The following MYO9B variants were observed in gnomAD, a reference collection of about 807,000 sequenced individuals.
MYO9B encodes myosin IXB.
A neutral mutation model predicts 229.5 loss-of-function variants in MYO9B; 71 were observed. The ratio of observed to expected loss-of-function variants is 0.31; its 90% confidence interval spans 0.26 to 0.38. MYO9B has a LOEUF of 0.38. Ranked by LOEUF, MYO9B falls within the 10% of genes least tolerant of loss-of-function variation. The pLI is 1.00. For synonymous variants in MYO9B, 1,185 were observed against 1,235.8 expected, an observed-to-expected ratio of 0.96 and a Z score of 0.86; for missense variants, 2,255 against 2,920.5, an observed-to-expected ratio of 0.77 and a Z score of 5.25.
At chr19:17,159,559 C>T (rs2072575591) in intron 8 of MYO9B, 75 bp downstream of exon 8, 2 of 1,273,456 alleles carry the variant, frequency 1.6e-6, no homozygotes, top group African/African-American at 3.0e-5. Flanking sequence ...AAAGAGCCGG[C>T]ATGGGTGGGC....
At chr19:17,201,258 T>C (rs2073103875) in intron 26 of MYO9B, among the ~76,000 whole-genome samples, 1 of 150,704 alleles carries the variant, frequency 6.6e-6, no homozygotes, top group South Asian at 2.1e-4. Flanking sequence ...GCATATTTGG[T>C]CTCAAAGCAA....
chr19:17,114,924 CT>C (rs139596465), intron 2 of MYO9B, among the ~76,000 whole-genome samples: 22,100 of 137,490 alleles, frequency 0.16, 1,922 homozygotes, highest in Non-Finnish European at 0.21. Context: ...TGCTTTTCCC[CT>C]TTTTTTTTTT....
chr19:17,131,752 G>A (rs941165995), intron 2 of MYO9B, among the ~76,000 whole-genome samples: 11 of 152,182 alleles, frequency 7.2e-5, no homozygotes, highest in African/African-American at 2.7e-4. Context: ...AGAGGAAGAG[G>A]CAAGACTGCC....
intron 3 of MYO9B, among the ~76,000 whole-genome samples, chr19:17,149,839 G>A (rs2072457382): frequency 6.6e-6 from 1 of 152,142 alleles, no homozygotes; most frequent in Non-Finnish European, 1.5e-5. Context: ...GGGAAGGGAA[G>A]GGGCCATCAT....
chr19:17,132,972 C>T (rs1350805254), intron 2 of MYO9B, among the ~76,000 whole-genome samples: 1 of 151,928 alleles, frequency 6.6e-6, no homozygotes, highest in Non-Finnish European at 1.5e-5. Flanking sequence ...CTCAACCTCC[C>T]GAGTAGCTGG....
At chr19:17,148,826 C>T (rs535010435) in intron 3 of MYO9B, among the ~76,000 whole-genome samples, 43 of 152,066 alleles carry the variant, frequency 2.8e-4, no homozygotes, top group Non-Finnish European at 5.4e-4. Context: ...TCAAGTGATC[C>T]GCCTGCCTCG....
At chr19:17,204,063 T>C (rs1045224827) in intron 30 of MYO9B, among the ~76,000 whole-genome samples, 1 of 151,792 alleles carries the variant, frequency 6.6e-6, no homozygotes, top group African/African-American at 2.4e-5. Flanking sequence ...GCCAGAACCA[T>C]TTGGGCCAGG....
intron 1 of MYO9B, among the ~76,000 whole-genome samples, chr19:17,098,341 G>T (rs1411948144): frequency 1.3e-5 from 2 of 152,112 alleles, no homozygotes; most frequent in African/African-American, 4.8e-5. Context: ...AAGCGTGAGC[G>T]ACCGCGCCTG....
At chr19:17,081,512 T>G (rs1030362696) in intron 1 of MYO9B, among the ~76,000 whole-genome samples, 8 of 151,888 alleles carry the variant, frequency 5.3e-5, no homozygotes, top group African/African-American at 1.9e-4. Context: ...CAGGGGTGAC[T>G]AAAGAGAGGT....
At chr19:17,116,976 A>G (rs1461626844) in intron 2 of MYO9B, among the ~76,000 whole-genome samples, 1 of 152,312 alleles carries the variant, frequency 6.6e-6, no homozygotes, top group South Asian at 2.1e-4. Context: ...ATTTTGGGGA[A>G]TGCTGCATCT....
chr19:17,202,958 A>G (rs1413231238), intron 29 of MYO9B, 75 bp downstream of exon 29: 8 of 1,533,428 alleles, frequency 5.2e-6, no homozygotes, highest in Non-Finnish European at 7.1e-6. Flanking sequence ...TGTCAGTGTC[A>G]ATGTGCGCAT....
intron 2 of MYO9B, among the ~76,000 whole-genome samples, chr19:17,127,981 G>A (rs971105049): frequency 3.3e-5 from 5 of 152,118 alleles, no homozygotes; most frequent in South Asian, 2.1e-4. Flanking sequence ...TCCAAGAGCC[G>A]TGAACTAATT....
chr19:17,145,079 G>A (rs890606294), intron 2 of MYO9B, among the ~76,000 whole-genome samples: 3 of 151,506 alleles, frequency 2.0e-5, no homozygotes, highest in Admixed American at 6.6e-5. Flanking sequence ...GGAGTTCTAC[G>A]TCAGCCTGGA....
chr19:17,181,595 G>C (rs914771461), intron 15 of MYO9B, among the ~76,000 whole-genome samples: 1 of 152,174 alleles, frequency 6.6e-6, no homozygotes, highest in African/African-American at 2.4e-5. Flanking sequence ...CCATTATGCT[G>C]ACCCAGCACC....
At chr19:17,206,226 A>ATCCC in intron 32 of MYO9B, 22 bp from the exon 33 acceptor site, 3 of 654,246 alleles carry the variant, frequency 4.6e-6, no homozygotes, top group South Asian at 1.5e-5. Context: ...CGCTCACCAG[A>ATCCC]CCCACCCCAC....
chr19:17,187,760 G>A (rs932492358), intron 18 of MYO9B, among the ~76,000 whole-genome samples, 175 bp from the exon 19 acceptor site: 2 of 151,920 alleles, frequency 1.3e-5, no homozygotes, highest in Non-Finnish European at 2.9e-5. Context: ...CTCCCAGGTC[G>A]GCTAGCCAGC....
chr19:17,179,858 C>T (rs976994288), intron 14 of MYO9B, among the ~76,000 whole-genome samples: 1 of 150,720 alleles, frequency 6.6e-6, no homozygotes, highest in African/African-American at 2.4e-5. Context: ...GAGATCGCAC[C>T]ACTGCACTCC....
In MYO9B at chr19:17,197,803, C is replaced by T. The variant is rs748986782; in HGVS notation, c.4058C>T (p.Thr1353Ile). Residue 1353 changes from threonine (T) to isoleucine (I), a missense_variant, in exon 23 of 40, where the codon ACC becomes ATC. Thr to Ile is a moderately conservative substitution (Grantham distance 89). Coordinates refer to ENST00000682292, the MANE Select transcript of MYO9B (RefSeq NM_004145.4). ...AALTPTEERR[T>I]SFSTSDVSKL... ...CTGTGATCTCGCAGGGAGAGGCGCA[C>T]CTCCTTCTCCACGAGCGACGTCTCC... 5 of 1,613,844 alleles carry T rather than the reference C, an allele frequency of 3.1e-6. No individual in the cohort carries two copies. The highest frequency in any genetic ancestry group is 4.2e-6 in the Non-Finnish European group (5 of 1,179,902).
chr19:17,089,286 T>A (rs1007492075), intron 1 of MYO9B, among the ~76,000 whole-genome samples: 18 of 151,044 alleles, frequency 1.2e-4, no homozygotes, highest in Non-Finnish European at 4.4e-5. Flanking sequence ...AAAAAAAAAA[T>A]CCTCAACAGG....
Sources: allele counts gnomAD v4.1 joint callset (sites outside exome capture counted in the v4.1 genomes callset), GRCh38; gene constraint gnomAD v4.1.1; transcripts MANE v1.5; gene names NCBI Gene and HGNC (gene_info 2026-07-23, HGNC 2026-07-21).